ACBD5: variants seen among roughly 807,000 people sequenced by gnomAD.
ACBD5 encodes the protein acyl-CoA-binding domain-containing protein 5.
Under a neutral mutation model 71.8 loss-of-function variants are expected in ACBD5, and 40 were observed. The ratio of observed to expected loss-of-function variants is 0.56; its 90% CI spans 0.43 to 0.72. The LOEUF is 0.72. Ranked by LOEUF, ACBD5 falls within the 30% of genes least tolerant of loss-of-function variation. The pLI is 0.00. For missense variants in ACBD5, 559 were observed against 644.5 expected, an observed-to-expected ratio of 0.87 and a Z score of 1.44; for synonymous variants, 229 against 218.6, an observed-to-expected ratio of 1.05 and a Z score of -0.42.
chr10:27,208,282 C>G lies in ACBD5; in HGVS notation c.1368G>C (p.Gln456His). The change falls in exon 10 of 13, where the codon CAG (glutamine) becomes CAC (histidine). Residue 456 changes from glutamine to histidine, a missense_variant. Physicochemically the swap from Gln to His is conservative, Grantham distance 24. Coordinates refer to ENST00000396271, the MANE Select transcript of ACBD5 (RefSeq NM_145698.5). ...TCAGCGTTTCCAGTTTCTGCAGTCT[C>G]TGAAGGACATTCTGCATGTCCTCCT... ...RLQEDMQNVLQRLQKLETLTA... is the reference protein window; with the variant it reads ...RLQEDMQNVLHRLQKLETLTA... The G allele has an allele frequency of 6.2e-7, 1 of 1,614,218 alleles. No homozygotes were observed. The highest frequency in any genetic ancestry group is 1.3e-5 in the African/African-American group (1 of 75,068).
Position 27,197,412 on chromosome 10 carries a change from A to G in ACBD5, c.*18T>C, listed in dbSNP as rs756452915. Reference sequence around the variant, plus strand: ...TCATCCAGTTCCAGTAGTCTTCTTGAGGAAAACACCATTTTCCTCAGTTCA... The same window carrying G: ...TCATCCAGTTCCAGTAGTCTTCTTGGGGAAAACACCATTTTCCTCAGTTCA... On this transcript the variant is annotated 3_prime_UTR_variant, in exon 13 of 13. Transcript: ENST00000396271. 42 of 1,610,520 alleles carry G rather than the reference A, an allele frequency of 2.6e-5. No homozygotes were observed. The Middle Eastern group carries it at 5.0e-4, about 19-fold the overall frequency.
At chr10:27,211,929 T>C (rs2061122379) in intron 8 of ACBD5, among the ~76,000 whole-genome samples, 2 of 151,076 alleles carry the variant, frequency 1.3e-5, no homozygotes, top group African/African-American at 4.9e-5. Context: ...TATATAAGAG[T>C]CCTCAGTGAA....
intron 11 of ACBD5, among the ~76,000 whole-genome samples, chr10:27,204,923 C>G (rs759201712): frequency 3.3e-5 from 5 of 152,016 alleles, no homozygotes; most frequent in African/African-American, 1.2e-4. Flanking sequence ...GTCAGGAGAT[C>G]GAGACCATCT....
At chr10:27,238,195 CCG>C (rs1225194931) in intron 2 of ACBD5, among the ~76,000 whole-genome samples, 1 of 152,024 alleles carries the variant, frequency 6.6e-6, no homozygotes, top group Non-Finnish European at 1.5e-5. Context: ...TCCGCCAGCC[CCG>C]TGATCAGCCC....
intron 4 of ACBD5, among the ~76,000 whole-genome samples, chr10:27,226,375 T>C (rs138418574): frequency 1.5e-4 from 22 of 151,224 alleles, no homozygotes; most frequent in African/African-American, 4.9e-4. Context: ...CCCCAGCCAT[T>C]TGCAAAATTA....
intron 13 of ACBD5, among the ~76,000 whole-genome samples, chr10:27,189,638 G>GGGGAGGA (rs1305391942): frequency 4.6e-5 from 6 of 130,816 alleles, no homozygotes; most frequent in Non-Finnish European, 8.1e-5. Context: ...GGGGGGGAGG[G>GGGGAGGA]ATAGCATTAG....
chr10:27,195,407 T>C lies in ACBD5; in HGVS notation c.*2023A>G, dbSNP rs1564529030. Reference sequence around the variant, plus strand: ...GCAAAGTGCTTTTCAAACTATAAAATAAGACTTTGGAACAGGATAGAAATG... The same window carrying C: ...GCAAAGTGCTTTTCAAACTATAAAACAAGACTTTGGAACAGGATAGAAATG... On this transcript the variant is annotated 3_prime_UTR_variant, in exon 13 of 13. Coordinates refer to ENST00000396271, the MANE Select transcript of ACBD5 (RefSeq NM_145698.5). 1 of 454,464 alleles carries C rather than the reference T, an allele frequency of 2.2e-6. No homozygotes were observed. The highest frequency in any genetic ancestry group is 1.6e-5 in the South Asian group (1 of 64,456). 28.2% of individuals were successfully genotyped at this position (454,464 alleles called of 1,614,324 possible). A position where few individuals can be genotyped will look rare whatever the true frequency, so the allele number is the denominator to read the frequency against.
At chr10:27,186,230 C>T (rs2058737627) in intron 13 of ACBD5, 1 of 820,894 alleles carries the variant, frequency 1.2e-6, no homozygotes, top group Admixed American at 2.0e-5. Flanking sequence ...AGTATGTGGC[C>T]TAACAGACAT....
rs558790446 is a variant in ACBD5, at chr10:27,209,278, C to A, written c.1205-833G>T. Reference sequence around the variant, plus strand: ...AAGTTACAGTAAAGAGCTACGTTTGCCTTTTTGGTCATTTTTGTTTGTTTG... The same window carrying A: ...AAGTTACAGTAAAGAGCTACGTTTGACTTTTTGGTCATTTTTGTTTGTTTG... On this transcript the variant is annotated intron_variant, in intron 9 of 12. Coordinates refer to ENST00000396271, the MANE Select transcript of ACBD5 (RefSeq NM_145698.5). Among the ~76,000 whole-genome samples, 14 of 152,066 alleles carry A rather than the reference C, an allele frequency of 9.2e-5. No individual in the cohort carries two copies. The South Asian group carries it at 2.3e-3, about 25-fold the overall frequency.
intron 6 of ACBD5, among the ~76,000 whole-genome samples, chr10:27,219,455 G>A (rs2062065496): frequency 6.7e-6 from 1 of 150,302 alleles, no homozygotes; most frequent in Non-Finnish European, 1.5e-5. Flanking sequence ...AATAGCACAT[G>A]TCTAATGCAG....
At chr10:27,208,113 TTTCAAAACCAAG>T in intron 10 of ACBD5, 121 bp downstream of exon 10, 2 of 934,044 alleles carry the variant, frequency 2.1e-6, no homozygotes, top group Non-Finnish European at 3.4e-6. Context: ...TAAACAATAT[TTTCAAAACCAAG>T]TTCTATTTTC....
At chr10:27,218,586 CA>C (rs1355005530) in intron 6 of ACBD5, among the ~76,000 whole-genome samples, 5 of 79,350 alleles carry the variant, frequency 6.3e-5, no homozygotes, top group Non-Finnish European at 1.7e-4. Flanking sequence ...CTAAGTTACA[CA>C]GTTTTTTTTT....
chr10:27,196,981 C>T lies in ACBD5; in HGVS notation c.*449G>A, dbSNP rs1409271012. On this transcript the variant is annotated 3_prime_UTR_variant, in exon 13 of 13. Transcript: ENST00000396271. The stretch of plus-strand genomic sequence containing the variant: ...GACTAAGATATAAAGTCGATTACAT[C>T]TCATTTGAAATTCACTCCTGGTTTG... 2 of 453,808 alleles carry T rather than the reference C, an allele frequency of 4.4e-6. No individual in the cohort carries two copies. Among genetic ancestry groups the T allele is most frequent in the African/African-American group, 4.0e-5 (2 of 49,992 alleles). 28.1% of individuals were successfully genotyped at this position (453,808 alleles called of 1,614,324 possible).
chr10:27,208,972 C>T (rs923664932), intron 9 of ACBD5, among the ~76,000 whole-genome samples: 30 of 152,070 alleles, frequency 2.0e-4, no homozygotes, highest in African/African-American at 7.2e-4. Flanking sequence ...TGCTAAGGTT[C>T]TATAATATAC....
rs887035889 is a variant in ACBD5, at chr10:27,202,821, C to T, written c.1565+1619G>A. ...CTGCTGCTTATATCCAGCATTACTA[C>T]ATATCTAACAAACGGTTGGTTCTTC... On this transcript the variant is annotated intron_variant, in intron 12 of 12. Transcript: ENST00000396271. Among the ~76,000 whole-genome samples, 3 of 152,068 alleles carry T rather than the reference C, an allele frequency of 2.0e-5. No individual in the cohort carries two copies. In the South Asian group the frequency reaches 6.2e-4, roughly 32 times the overall value.
intron 12 of ACBD5, among the ~76,000 whole-genome samples, chr10:27,203,089 C>T (rs1240124060): frequency 6.6e-6 from 1 of 151,024 alleles, no homozygotes; most frequent in Non-Finnish European, 1.5e-5. Context: ...ATCCTCCCGC[C>T]TCAGCCTCCC....
upstream of ACBD5, chr10:27,242,031 C>T (rs2065559352): frequency 2.2e-6 from 1 of 452,434 alleles, no homozygotes; most frequent in Non-Finnish European, 4.4e-6. Context: ...AGTTACTCTT[C>T]CCTCTGAGCC....
intron 8 of ACBD5, 104 bp from the exon 9 acceptor site, chr10:27,211,185 T>G: frequency 3.4e-6 from 4 of 1,187,422 alleles, no homozygotes; most frequent in Non-Finnish European, 4.8e-6. Context: ...AAATGTTCTT[T>G]CATGTTATTA....
At chr10:27,205,944 G>C (rs1435523259) in intron 10 of ACBD5, among the ~76,000 whole-genome samples, 2 of 151,946 alleles carry the variant, frequency 1.3e-5, no homozygotes, top group South Asian at 2.1e-4. Flanking sequence ...TAGAGATGAG[G>C]TCTTGCTCTG....
Sources: gnomAD v4.1 joint callset for allele counts (sites outside exome capture counted in the v4.1 genomes callset) on GRCh38, gnomAD v4.1.1 for gene constraint, MANE v1.5 for transcripts, NCBI Gene and HGNC (gene_info 2026-07-23, HGNC 2026-07-21) for gene names.